The following NALF1 variants were observed in gnomAD, a reference collection of about 807,000 sequenced individuals.
NALF1 encodes family with sequence similarity 155 member A.
Under a neutral mutation model 48.4 loss-of-function variants are expected in NALF1, and 3 were observed. The ratio of observed to expected loss-of-function variants is 0.06; its 90% confidence interval spans 0.03 to 0.16. NALF1 has a LOEUF of 0.16. Among genes scored for constraint, NALF1 ranks in the 10% least tolerant of loss-of-function variants. The pLI is 1.00. For missense variants in NALF1, 526 were observed against 571.5 expected (o/e 0.92, Z 0.81); for synonymous variants, 262 against 245.7 (o/e 1.07, Z -0.62).
chr13:107,589,840 G>A (rs1357768277), intron 1 of NALF1, among the ~76,000 whole-genome samples: 2 of 150,658 alleles, frequency 1.3e-5, no homozygotes, highest in African/African-American at 4.9e-5. Flanking sequence ...GATGGGACTT[G>A]AAATATTTGC....
At chr13:107,216,398 G>C (rs982371669) in intron 1 of NALF1, among the ~76,000 whole-genome samples, 1 of 152,200 alleles carries the variant, frequency 6.6e-6, no homozygotes, top group South Asian at 2.1e-4. Context: ...ATTGGAAATC[G>C]TGATATATTC....
intron 1 of NALF1, among the ~76,000 whole-genome samples, chr13:107,480,317 G>A (rs1316573012): frequency 6.6e-6 from 1 of 152,150 alleles, no homozygotes; most frequent in Admixed American, 6.6e-5. Flanking sequence ...AACATGTAGT[G>A]CCTTTCAGGT....
At chr13:107,252,165 C>T (rs1880714906) in intron 1 of NALF1, among the ~76,000 whole-genome samples, 1 of 152,160 alleles carries the variant, frequency 6.6e-6, no homozygotes, top group Admixed American at 6.5e-5. Flanking sequence ...TGGAGAAACA[C>T]CCACCTCCAA....
chr13:107,174,897 T>G (rs553867047), intron 2 of NALF1, among the ~76,000 whole-genome samples: 1 of 148,866 alleles, frequency 6.7e-6, no homozygotes, highest in Non-Finnish European at 1.5e-5. Context: ...TTTTCTTTTT[T>G]TTTTGAGACG....
chr13:107,203,183 G>A (rs778079261), intron 2 of NALF1, among the ~76,000 whole-genome samples: 25 of 152,164 alleles, frequency 1.6e-4, no homozygotes, highest in Non-Finnish European at 2.9e-4. Context: ...ACCTGTTCTG[G>A]GAAATCTCAC....
At chr13:107,844,770 C>CT (rs897517984) in intron 1 of NALF1, among the ~76,000 whole-genome samples, 1 of 152,116 alleles carries the variant, frequency 6.6e-6, no homozygotes, top group Non-Finnish European at 1.5e-5. Context: ...TCCAGCATGA[C>CT]TTTAAGAACC....
At chr13:107,515,220 C>T (rs1175543234) in intron 1 of NALF1, among the ~76,000 whole-genome samples, 1 of 152,170 alleles carries the variant, frequency 6.6e-6, no homozygotes, top group Admixed American at 6.5e-5. Context: ...AACTGGGTGG[C>T]ATCTAGTTCC....
intron 1 of NALF1, among the ~76,000 whole-genome samples, chr13:107,278,614 T>C (rs1881327048): frequency 6.6e-6 from 1 of 152,202 alleles, no homozygotes; most frequent in Admixed American, 6.5e-5. Context: ...ATATATTAAT[T>C]TTAGATGTCC....
At chr13:107,278,461 C>G (rs958586216) in intron 1 of NALF1, among the ~76,000 whole-genome samples, 5 of 152,180 alleles carry the variant, frequency 3.3e-5, no homozygotes, top group Admixed American at 1.3e-4. Context: ...TGTTTTTCCT[C>G]CTTTTGTTCT....
At chr13:107,469,067 C>G (rs1885053980) in intron 1 of NALF1, among the ~76,000 whole-genome samples, 1 of 152,012 alleles carries the variant, frequency 6.6e-6, no homozygotes, top group South Asian at 2.1e-4. Flanking sequence ...TACCGATATA[C>G]TCACTTTTCT....
intron 1 of NALF1, among the ~76,000 whole-genome samples, chr13:107,469,293 G>C (rs567511701): frequency 1.5e-4 from 23 of 152,284 alleles, no homozygotes; most frequent in African/African-American, 5.5e-4. Context: ...ATCATTTACA[G>C]ATGATACTTC....
At chr13:107,632,855 A>T (rs1347329216) in intron 1 of NALF1, among the ~76,000 whole-genome samples, 1 of 152,096 alleles carries the variant, frequency 6.6e-6, no homozygotes, top group Non-Finnish European at 1.5e-5. Flanking sequence ...TAGAGGAAAA[A>T]CAAGCCCAGA....
At chr13:107,457,480 A>G (rs537175681) in intron 1 of NALF1, among the ~76,000 whole-genome samples, 2 of 152,350 alleles carry the variant, frequency 1.3e-5, no homozygotes, top group East Asian at 3.9e-4. Flanking sequence ...TAGCAAGCAC[A>G]GGAGAAGCAG....
At chr13:107,693,936 G>A (rs1267763559) in intron 1 of NALF1, among the ~76,000 whole-genome samples, 1 of 152,146 alleles carries the variant, frequency 6.6e-6, no homozygotes, top group Non-Finnish European at 1.5e-5. Context: ...TGCAGAGGAG[G>A]AAACTGAAGA....
At chr13:107,373,331 C>T (rs1419812507) in intron 1 of NALF1, among the ~76,000 whole-genome samples, 1 of 152,096 alleles carries the variant, frequency 6.6e-6, no homozygotes, top group Non-Finnish European at 1.5e-5. Flanking sequence ...TTTTGAATAC[C>T]AGATGTTGAG....
At chr13:107,652,712 T>A (rs1298218492) in intron 1 of NALF1, among the ~76,000 whole-genome samples, 1 of 152,176 alleles carries the variant, frequency 6.6e-6, no homozygotes, top group Non-Finnish European at 1.5e-5. Flanking sequence ...TTAGGCATTG[T>A]TCGGATATAG....
intron 1 of NALF1, among the ~76,000 whole-genome samples, chr13:107,334,825 G>T (rs944148635): frequency 6.6e-6 from 1 of 152,200 alleles, no homozygotes; most frequent in Non-Finnish European, 1.5e-5. Context: ...GTGAAGGATT[G>T]CTCTCTAAGT....
intron 1 of NALF1, among the ~76,000 whole-genome samples, chr13:107,539,602 GT>G (rs1566384509): frequency 6.6e-6 from 1 of 152,120 alleles, no homozygotes; most frequent in African/African-American, 2.4e-5. Flanking sequence ...AATAAGAGAT[GT>G]TTTATGAGAT....
intron 1 of NALF1, among the ~76,000 whole-genome samples, chr13:107,821,035 G>A (rs1293909310): frequency 6.6e-6 from 1 of 152,144 alleles, no homozygotes; most frequent in Non-Finnish European, 1.5e-5. Context: ...ATATGCGCAT[G>A]TGCATCCATC....
Sources: allele counts gnomAD v4.1 joint callset (sites outside exome capture counted in the v4.1 genomes callset), GRCh38; gene constraint gnomAD v4.1.1; transcripts MANE v1.5; gene names NCBI Gene and HGNC (gene_info 2026-07-23, HGNC 2026-07-21).